The following ANKFN1 variants were observed in gnomAD, a reference collection of about 807,000 sequenced individuals.
ANKFN1 encodes ankyrin repeat and fibronectin type-III domain-containing protein 1.
Under a neutral mutation model 108.7 loss-of-function variants are expected in ANKFN1, and 74 were observed. The observed-to-expected ratio is 0.68, with a 90% CI of 0.56 to 0.83. ANKFN1 has a LOEUF of 0.83. Among genes scored for constraint, ANKFN1 ranks in the 40% least tolerant of loss-of-function variants. The pLI is 0.00. For synonymous variants in ANKFN1, 547 were observed against 516.2 expected, an observed-to-expected ratio of 1.06 and a Z score of -0.81; for missense variants, 1,505 against 1,382.3, an observed-to-expected ratio of 1.09 and a Z score of -1.41.
At chr17:56,149,610 G>T (rs1311695260), upstream of ANKFN1, among the ~76,000 whole-genome samples, 3 of 152,292 alleles carry the variant, frequency 2.0e-5, no homozygotes, top group East Asian at 5.8e-4. Flanking sequence ...CTTTACAGGT[G>T]GTCACAGGTA....
rs190709437 is a variant in ANKFN1 at position 56,196,652 on chromosome 17, G to A, written c.-70-15946G>A. Among the ~76,000 whole-genome samples, 166 of 152,248 alleles carry A rather than the reference G, an allele frequency of 1.1e-3. 1 individual carries two copies. Among genetic ancestry groups the A allele is most frequent in the African/African-American group, 3.9e-3 (161 of 41,530 alleles). On this transcript the variant is annotated intron_variant, in intron 1 of 20. Transcript: ENST00000682825. ...GCTACTCAGGAGGCTGAGGTGGGAG[G>A]ACTGCCTGAGGCCAGGAGTTTGAGG...
At chr17:56,290,999 G>A (rs1401024683) in intron 3 of ANKFN1, among the ~76,000 whole-genome samples, 2 of 152,116 alleles carry the variant, frequency 1.3e-5, no homozygotes, top group African/African-American at 2.4e-5. Context: ...TTCCATCCTA[G>A]AGAGGCAAAG....
upstream of ANKFN1, chr17:56,153,429 G>A: frequency 6.4e-7 from 1 of 1,558,854 alleles, no homozygotes; most frequent in Non-Finnish European, 8.8e-7. Context: ...TTGGCAACGG[G>A]ACCGTGTGGA....
At chr17:56,266,517 G>A (rs1204869469) in intron 3 of ANKFN1, among the ~76,000 whole-genome samples, 1 of 152,048 alleles carries the variant, frequency 6.6e-6, no homozygotes, top group Non-Finnish European at 1.5e-5. Context: ...CTTGTTAAAT[G>A]TCCCTCCTAG....
At chr17:56,244,711 A>G (rs1917834506) in intron 3 of ANKFN1, among the ~76,000 whole-genome samples, 1 of 152,136 alleles carries the variant, frequency 6.6e-6, no homozygotes, top group South Asian at 2.1e-4. Context: ...TTAGAGCTGT[A>G]CTTACTAAGA....
chr17:56,046,705 C>A (rs375512858), intron 4 of ANKFN1, among the ~76,000 whole-genome samples: 3 of 148,586 alleles, frequency 2.0e-5, no homozygotes, highest in African/African-American at 5.0e-5. Context: ...TATCAAGCGC[C>A]TTAATGTGGA....
At chr17:56,226,123 G>A (rs901169784) in intron 2 of ANKFN1, among the ~76,000 whole-genome samples, 10 of 152,128 alleles carry the variant, frequency 6.6e-5, no homozygotes, top group African/African-American at 2.4e-4. Context: ...GGAAGGGCAA[G>A]GGGTGGGAGG....
In ANKFN1 at chr17:56,338,526, G is replaced by A. The variant is rs117178095; in HGVS notation, c.188+12171G>A. On this transcript the variant is annotated intron_variant, in intron 4 of 20. Transcript: ENST00000682825. Reference sequence around the variant, plus strand: ...TCAGTGAAAATGGCTAATAAGGAACGCTCTCTTAAGAGTGATATCCCAGAT... The same window carrying A: ...TCAGTGAAAATGGCTAATAAGGAACACTCTCTTAAGAGTGATATCCCAGAT... 8.1e-3 allele frequency among the ~76,000 whole-genome samples: 1,232 copies of A among 152,078 alleles called. 7 individuals are homozygous for A. Among genetic ancestry groups the A allele is most frequent in the Non-Finnish European group, 0.013 (883 of 67,960 alleles).
chr17:56,270,215 TTAGCAGA>T (rs1345327400), intron 3 of ANKFN1, among the ~76,000 whole-genome samples: 7 of 152,152 alleles, frequency 4.6e-5, no homozygotes, highest in African/African-American at 1.7e-4. Context: ...ACATTTTTGG[TTAGCAGA>T]GTCTCCGAGG....
chr17:56,207,619 C>T (rs539381973), intron 1 of ANKFN1, among the ~76,000 whole-genome samples: 2 of 152,256 alleles, frequency 1.3e-5, no homozygotes, highest in South Asian at 4.2e-4. Context: ...TTTCATTTGT[C>T]TTCTCATTCT....
chr17:56,170,807 T>TATATATACACACACACACAC (rs1361307404), intron 1 of ANKFN1, among the ~76,000 whole-genome samples: 12 of 61,454 alleles, frequency 2.0e-4, no homozygotes, highest in East Asian at 9.8e-4. Flanking sequence ...TATATATATA[T>TATATATACACACACACACAC]ACACACACAC....
chr17:56,283,345 A>T (rs1001083874), intron 3 of ANKFN1, among the ~76,000 whole-genome samples: 5 of 152,130 alleles, frequency 3.3e-5, no homozygotes, highest in African/African-American at 1.2e-4. Context: ...AAGAAGTGAA[A>T]GTAGAACTAC....
chr17:56,057,660 C>A (rs1904902528), intron 4 of ANKFN1, among the ~76,000 whole-genome samples: 1 of 152,118 alleles, frequency 6.6e-6, no homozygotes, highest in Non-Finnish European at 1.5e-5. Flanking sequence ...ATGCCACACA[C>A]CTGCAGTCCC....
At chr17:56,385,401 T>C (rs1382412658) in intron 8 of ANKFN1, among the ~76,000 whole-genome samples, 1 of 152,302 alleles carries the variant, frequency 6.6e-6, no homozygotes, top group African/African-American at 2.4e-5. Context: ...ATTCAGGACA[T>C]AGGCATGGGC....
intron 3 of ANKFN1, among the ~76,000 whole-genome samples, chr17:56,301,931 G>A (rs147463010): frequency 2.2e-4 from 34 of 152,334 alleles, no homozygotes; most frequent in African/African-American, 7.5e-4. Context: ...TTGTAGGCAA[G>A]TGCAATGATC....
intron 3 of ANKFN1, among the ~76,000 whole-genome samples, chr17:56,305,686 C>A (rs758520026): frequency 6.6e-6 from 1 of 152,134 alleles, no homozygotes; most frequent in African/African-American, 2.4e-5. Flanking sequence ...TATGGATGTG[C>A]TTTTGGTGCC....
intron 10 of ANKFN1, among the ~76,000 whole-genome samples, chr17:56,446,277 G>C (rs2049284707): frequency 6.6e-6 from 1 of 152,158 alleles, no homozygotes; most frequent in African/African-American, 2.4e-5. Context: ...GGGACGCGTA[G>C]TAATTCAGCC....
chr17:56,218,455 T>C (rs549990164), intron 2 of ANKFN1, among the ~76,000 whole-genome samples: 20 of 152,284 alleles, frequency 1.3e-4, no homozygotes, highest in Admixed American at 3.3e-4. Context: ...CTCTTGCTTG[T>C]CTCTGTCCCA....
chr17:56,434,232 T>A (rs1053807547), intron 8 of ANKFN1, among the ~76,000 whole-genome samples: 2 of 152,124 alleles, frequency 1.3e-5, no homozygotes, highest in African/African-American at 4.8e-5. Flanking sequence ...TAAGCAAAAC[T>A]AGGAGAGTAC....
Sources: gnomAD v4.1 joint callset for allele counts (sites outside exome capture counted in the v4.1 genomes callset) on GRCh38, gnomAD v4.1.1 for gene constraint, MANE v1.5 for transcripts, NCBI Gene and HGNC (gene_info 2026-07-23, HGNC 2026-07-21) for gene names.